NDUFS4: variants seen among roughly 807,000 people sequenced by gnomAD.
The protein encoded by NDUFS4 is NADH dehydrogenase [ubiquinone] iron-sulfur protein 4, mitochondrial.
Under a neutral mutation model 24.3 loss-of-function variants are expected in NDUFS4, and 28 were observed. The observed-to-expected ratio is 1.15, with a 90% confidence interval of 0.85 to 1.58. The LOEUF is 1.58. Among genes scored for constraint, NDUFS4 ranks in the 40% most tolerant of loss-of-function variants. The probability of loss-of-function intolerance (pLI) is 0.00; values close to 1 mark genes in which losing one functional copy is unlikely to be tolerated. For missense variants in NDUFS4, 223 were observed against 207.9 expected (o/e 1.07, Z -0.45); for synonymous variants, 93 against 69.7 (o/e 1.34, Z -1.67).
chr5:53,650,380 G>GT (rs1751982753), intron 3 of NDUFS4, among the ~76,000 whole-genome samples: 1 of 152,190 alleles, frequency 6.6e-6, no homozygotes. Context: ...TTCATTTTGT[G>GT]TAAGTTTTAT....
Position 53,662,478 on chromosome 5 carries a change from A to C in NDUFS4, c.424+3854A>C, listed in dbSNP as rs533805051. ...CTCTTTTTTTTGTTGTGTCTCTGCC[A>C]GGCTTTGGTATCAGGATGATGCTGG... On this transcript the variant is annotated intron_variant, in intron 4 of 4. Transcript: ENST00000296684. Among the ~76,000 whole-genome samples the C allele has an allele frequency of 1.8e-3, 267 of 152,256 alleles. 2 individuals carry two copies. The highest frequency in any genetic ancestry group is 1.5e-3 in the Non-Finnish European group (105 of 68,018).
intron 4 of NDUFS4, among the ~76,000 whole-genome samples, chr5:53,660,809 T>C (rs990206700): frequency 2.0e-5 from 3 of 152,224 alleles, no homozygotes; most frequent in African/African-American, 7.2e-5. Context: ...TTTTGAGAAG[T>C]GTCTGTTCAT....
intron 4 of NDUFS4, among the ~76,000 whole-genome samples, chr5:53,665,414 A>C (rs1002514266): frequency 3.3e-5 from 5 of 152,146 alleles, no homozygotes; most frequent in Non-Finnish European, 7.4e-5. Context: ...GCTATGCCCT[A>C]CCCCCAGAGG....
chr5:53,572,413 A>AT (rs571961584), intron 1 of NDUFS4, among the ~76,000 whole-genome samples: 145 of 152,292 alleles, frequency 9.5e-4, no homozygotes, highest in African/African-American at 3.2e-3. Context: ...AAGGTGGCAC[A>AT]TTTTGGGGTA....
intron 1 of NDUFS4, among the ~76,000 whole-genome samples, chr5:53,572,211 C>T (rs905184038): frequency 6.6e-6 from 1 of 152,132 alleles, no homozygotes; most frequent in Non-Finnish European, 1.5e-5. Context: ...TGTTCTGATT[C>T]GTCTCTGACT....
At chr5:53,612,583 G>T (rs1292009390) in intron 2 of NDUFS4, among the ~76,000 whole-genome samples, 2 of 152,042 alleles carry the variant, frequency 1.3e-5, no homozygotes, top group Admixed American at 6.6e-5. Context: ...TAAAACAAAT[G>T]TTGTCAGTAT....
intron 1 of NDUFS4, among the ~76,000 whole-genome samples, chr5:53,562,069 TC>T (rs1748866585): frequency 6.6e-6 from 1 of 152,062 alleles, no homozygotes. Flanking sequence ...AATGGCGTGA[TC>T]TTGGTTCACT....
At position 53,619,640 on chromosome 5, in the gene NDUFS4, A is replaced by T. The variant is rs966811743; in HGVS notation, c.177+16110A>T. Among the ~76,000 whole-genome samples, 50 of 152,104 alleles carry T rather than the reference A, an allele frequency of 3.3e-4. 1 individual carries two copies. The highest frequency in any genetic ancestry group is 2.4e-4 in the Non-Finnish European group (16 of 68,014). On this transcript the variant is annotated intron_variant, in intron 2 of 4. Coordinates refer to ENST00000296684, the MANE Select transcript of NDUFS4 (RefSeq NM_002495.4). ...TGAAGAAAGCATAATGAAGAAAATT[A>T]AAATCACCTTAATCTCAGTCTTGGT...
At chr5:53,631,238 C>G (rs1490310297) in intron 2 of NDUFS4, among the ~76,000 whole-genome samples, 1 of 152,170 alleles carries the variant, frequency 6.6e-6, no homozygotes, top group Non-Finnish European at 1.5e-5. Flanking sequence ...ATATTACTAC[C>G]TGATCCTTCC....
At chr5:53,631,817 T>C (rs1751418579) in intron 2 of NDUFS4, among the ~76,000 whole-genome samples, 1 of 152,170 alleles carries the variant, frequency 6.6e-6, no homozygotes, top group South Asian at 2.1e-4. Context: ...ATGGGCTTCA[T>C]GGGCACGGGA....
At chr5:53,681,998 TAATA>T (rs1020813608) in intron 4 of NDUFS4, among the ~76,000 whole-genome samples, 33 of 152,050 alleles carry the variant, frequency 2.2e-4, no homozygotes, top group African/African-American at 6.5e-4. Context: ...TTAGACTATA[TAATA>T]AATAATCACA....
chr5:53,626,458 T>G (rs1266842182), intron 2 of NDUFS4, among the ~76,000 whole-genome samples: 1 of 152,234 alleles, frequency 6.6e-6, no homozygotes, highest in Non-Finnish European at 1.5e-5. Context: ...GTCACCACAC[T>G]GTTTTCCACA....
At chr5:53,645,312 A>G (rs1044594992) in intron 2 of NDUFS4, among the ~76,000 whole-genome samples, 39 of 152,112 alleles carry the variant, frequency 2.6e-4, no homozygotes, top group Admixed American at 1.8e-3. Context: ...AGTTTTTAGA[A>G]TTTTTGCAAT....
intron 1 of NDUFS4, among the ~76,000 whole-genome samples, chr5:53,565,944 C>T (rs149786080): frequency 0.016 from 2,368 of 152,130 alleles, 80 homozygotes; most frequent in African/African-American, 0.054. Context: ...GAGGCCAAGG[C>T]GGGTGGATCA....
At chr5:53,644,692 G>C (rs959968905) in intron 2 of NDUFS4, among the ~76,000 whole-genome samples, 2 of 151,944 alleles carry the variant, frequency 1.3e-5, no homozygotes, top group Non-Finnish European at 2.9e-5. Context: ...CTTTAAACTA[G>C]ATGTAGGGAA....
At chr5:53,669,645 AAC>A (rs1752611047) in intron 4 of NDUFS4, among the ~76,000 whole-genome samples, 1 of 152,136 alleles carries the variant, frequency 6.6e-6, no homozygotes, top group Non-Finnish European at 1.5e-5. Context: ...AAGCATGTTG[AAC>A]ACACCCTATT....
intron 1 of NDUFS4, among the ~76,000 whole-genome samples, chr5:53,568,251 T>G (rs1353138813): frequency 1.3e-5 from 2 of 152,154 alleles, no homozygotes; most frequent in African/African-American, 2.4e-5. Flanking sequence ...TAAACCCTTG[T>G]GCATCAAAAT....
intron 1 of NDUFS4, among the ~76,000 whole-genome samples, chr5:53,601,835 A>G (rs1299178080): frequency 2.6e-5 from 4 of 152,216 alleles, no homozygotes; most frequent in African/African-American, 9.6e-5. Context: ...CATCTTGGTG[A>G]TAAGATTGAC....
chr5:53,648,736 C>G (rs1751933381), intron 3 of NDUFS4, among the ~76,000 whole-genome samples: 1 of 152,148 alleles, frequency 6.6e-6, no homozygotes, highest in South Asian at 2.1e-4. Context: ...CTATGAGACA[C>G]AGGACTGCCC....
Sources: gnomAD v4.1 joint callset for allele counts (sites outside exome capture counted in the v4.1 genomes callset) on GRCh38, gnomAD v4.1.1 for gene constraint, MANE v1.5 for transcripts, NCBI Gene and HGNC (gene_info 2026-07-23, HGNC 2026-07-21) for gene names.